The following ABHD14A variants were observed in gnomAD, a reference collection of about 807,000 sequenced individuals.
ABHD14A encodes the protein abhydrolase domain containing 14A, also known as protein ABHD14A.
In ABHD14A, 19 loss-of-function variants were observed where a neutral mutation model predicts 27.0. That is an observed-to-expected ratio of 0.70 (90% CI 0.49 to 1.03). The LOEUF (loss-of-function observed/expected upper bound fraction) is 1.03, where lower values mean the gene tolerates loss of function less well. Among genes scored for constraint, ABHD14A ranks in the 50% least tolerant of loss-of-function variants. ABHD14A has a pLI of 0.00. For missense variants in ABHD14A, 311 were observed against 344.6 expected (o/e 0.90, Z 0.77); for synonymous variants, 148 against 158.8 (o/e 0.93, Z 0.51).
intron 3 of ABHD14A, 143 bp from the exon 4 acceptor site, chr3:51,980,250 C>A: frequency 1.3e-6 from 1 of 768,640 alleles, no homozygotes; most frequent in Non-Finnish European, 2.3e-6. Flanking sequence ...AGGCATATTA[C>A]ATTACCAGAA....
At chr3:51,980,295 A>T in intron 3 of ABHD14A, 98 bp from the exon 4 acceptor site, 1 of 1,043,318 alleles carries the variant, frequency 9.6e-7, no homozygotes, top group Non-Finnish European at 1.5e-6. Context: ...AGTGTGTGCC[A>T]GTGCCAGTGG....
rs1369208303 is a variant in ABHD14A at position 51,978,378 on chromosome 3, A to T, written c.397+4A>T. 5 of 1,549,942 alleles carry T rather than the reference A, an allele frequency of 3.2e-6. No individual in the cohort carries two copies. In the Admixed American group the frequency reaches 9.8e-5, roughly 30 times the overall value. On this transcript the variant is annotated splice_donor_region_variant and intron_variant, in intron 3 of 4. Transcript: ENST00000273596. ...GCCGTGGCCCTTGACCTTCCAGGTG[A>T]GCACCCCCACCCCTTTGTCTAGGGA... is the stretch of plus-strand genomic sequence containing the variant.
intron 1 of ABHD14A, among the ~76,000 whole-genome samples, chr3:51,977,269 G>T (rs149948635): frequency 6.6e-6 from 1 of 152,158 alleles, no homozygotes; most frequent in Non-Finnish European, 1.5e-5. Context: ...CCCTTTGCGC[G>T]CAGTCTTTCT....
intron 1 of ABHD14A, among the ~76,000 whole-genome samples, chr3:51,975,531 G>A (rs1045614324): frequency 6.6e-6 from 1 of 151,906 alleles, no homozygotes; most frequent in African/African-American, 2.4e-5. Flanking sequence ...CTGTGTGCGT[G>A]TGATTTTAAG....
At chr3:51,977,483 A>G (rs569546398) in intron 1 of ABHD14A, among the ~76,000 whole-genome samples, 2 of 152,168 alleles carry the variant, frequency 1.3e-5, no homozygotes, top group African/African-American at 4.8e-5. Context: ...TTCCTCACCT[A>G]TAAGAGACCT....
In ABHD14A at chr3:51,976,823, C is replaced by T. The variant is rs147258990; in HGVS notation, c.70-1048C>T. Among the ~76,000 whole-genome samples, 317 of 152,282 alleles carry T rather than the reference C, an allele frequency of 2.1e-3. 2 individuals are homozygous for T. Among genetic ancestry groups the T allele is most frequent in the African/African-American group, 6.5e-3 (270 of 41,558 alleles). On this transcript the variant is annotated intron_variant, in intron 1 of 4. Transcript: ENST00000273596. The stretch of plus-strand genomic sequence containing the variant: ...CACAGGAAGCTTAGGAGGGCAGCCA[C>T]GAGGTTATCCCATTTTACTGACAAA...
At chr3:51,977,679 G>A (rs1356145448) in intron 1 of ABHD14A, among the ~76,000 whole-genome samples, 192 bp from the exon 2 acceptor site, 1 of 152,216 alleles carries the variant, frequency 6.6e-6, no homozygotes, top group African/African-American at 2.4e-5. Context: ...CACACTGTGA[G>A]GTATCTGAGC....
chr3:51,978,752 T>C (rs1256924777), intron 3 of ABHD14A: 29 of 252,830 alleles, frequency 1.1e-4, no homozygotes, highest in Non-Finnish European at 2.5e-5. Flanking sequence ...CCACCACGCC[T>C]GGCTAATTTT....
rs1390927092 is a variant in ABHD14A at position 51,981,152 on chromosome 3, C to T, written c.*134C>T. On this transcript the variant is annotated 3_prime_UTR_variant, in exon 5 of 5. Coordinates refer to ENST00000273596, the MANE Select transcript of ABHD14A (RefSeq NM_015407.5). ...CAGACCCAGCCAGGACTCCTCATTTCATCTCACAGACACAATAAAAAAGCA... is the reference window on the plus strand; with the variant it reads ...CAGACCCAGCCAGGACTCCTCATTTTATCTCACAGACACAATAAAAAAGCA... The T allele has an allele frequency of 1.1e-6, 1 of 901,618 alleles. No individual in the cohort carries two copies. The highest frequency in any genetic ancestry group is 1.7e-6 in the Non-Finnish European group (1 of 594,066). The allele number at this position is 901,618 out of a possible 1,614,324, so 55.9% of individuals were successfully genotyped here. A position where few individuals can be genotyped will look rare whatever the true frequency, so the allele number is the denominator to read the frequency against.
chr3:51,975,336 C>CGCGCGTGTAATGTGTGT, intron 1 of ABHD14A, 132 bp downstream of exon 1: 1 of 862,112 alleles, frequency 1.2e-6, no homozygotes, highest in African/African-American at 1.8e-5. Context: ...TGTGCATGTG[C>CGCGCGTGTAATGTGTGT]GCGCGTGTAA....
chr3:51,976,945 A>G (rs1207636527), intron 1 of ABHD14A, among the ~76,000 whole-genome samples: 2 of 152,162 alleles, frequency 1.3e-5, no homozygotes, highest in African/African-American at 2.4e-5. Flanking sequence ...GAGACCCCAG[A>G]TTGGAGGAGT....
At chr3:51,978,505 T>G in intron 3 of ABHD14A, 131 bp downstream of exon 3, 1 of 576,972 alleles carries the variant, frequency 1.7e-6, no homozygotes, top group East Asian at 2.9e-5. Flanking sequence ...TGTTTTCATT[T>G]TCTACTATGA....
At chr3:51,977,489 G>T (rs775717217) in intron 1 of ABHD14A, among the ~76,000 whole-genome samples, 1 of 152,136 alleles carries the variant, frequency 6.6e-6, no homozygotes, top group South Asian at 2.1e-4. Flanking sequence ...ACCTATAAGA[G>T]ACCTATAATC....
rs374918229 is a variant in ABHD14A at position 51,978,224 on chromosome 3, G to A, written c.282-35G>A. 2.6e-6 allele frequency: 4 copies of A among 1,538,934 alleles called. No homozygotes were observed. The African/African-American group carries it at 4.1e-5, about 16-fold the overall frequency. On this transcript the variant is annotated intron_variant, in intron 2 of 4. Coordinates refer to ENST00000273596, the MANE Select transcript of ABHD14A (RefSeq NM_015407.5). ...AATAAAGAAAGGTGGGCTACACCAG[G>A]TTCCCAGCAAACACATTCCCCTGTG...
At chr3:51,976,105 C>T (rs1700781971) in intron 1 of ABHD14A, among the ~76,000 whole-genome samples, 1 of 152,244 alleles carries the variant, frequency 6.6e-6, no homozygotes, top group South Asian at 2.1e-4. Context: ...GGAAATGTCC[C>T]TCGCGCCCGG....
In ABHD14A at chr3:51,975,171, G is replaced by C; in HGVS notation, c.36G>C (p.Leu12=). The change falls in exon 1 of 5, where the codon CTG becomes CTC. Residue 12 remains leucine, a synonymous_variant. Transcript: ENST00000273596. The stretch of plus-strand genomic sequence containing the variant: ...CGCTGTGCGGCTGCTGGTTCCGCCT[G>C]GGCGGGGCCCGCCCGCTCATCCCGT... The part of the protein sequence containing the change: ...VGALCGCWFR[L]GGARPLIPLG... The C allele has an allele frequency of 7.8e-7, 1 of 1,281,120 alleles. No individual in the cohort carries two copies. 79.4% of individuals were successfully genotyped at this position (1,281,120 alleles called of 1,614,324 possible).
In ABHD14A at chr3:51,977,932, T is replaced by C. The variant is rs1700821151; in HGVS notation, c.131T>C (p.Leu44Pro). The C allele has an allele frequency of 6.2e-7, 1 of 1,614,162 alleles. No homozygotes were observed. ...GCCCTGCTGGGCCTGAGTCTGCTGC[T>C]CATGCTCCTACTGTATGTGGGGCTG... The part of the protein sequence containing the change: ...QVALLGLSLL[L>P]MLLLYVGLPG... The change falls in exon 2 of 5, where the codon CTC becomes CCC. Residue 44 changes from leucine (L) to proline (P), a missense_variant. Coordinates refer to ENST00000273596, the MANE Select transcript of ABHD14A (RefSeq NM_015407.5).
rs1700816641 is a variant in ABHD14A at position 51,977,765 on chromosome 3, G to A, written c.70-106G>A. On this transcript the variant is annotated intron_variant, in intron 1 of 4. Coordinates refer to ENST00000273596, the MANE Select transcript of ABHD14A (RefSeq NM_015407.5). ...CAGAGCAAGGGAAAGGGCAAGGGCT[G>A]GAGCTCTTCCTCTGCTGGGGACTCT... 1.1e-5 allele frequency: 12 copies of A among 1,080,788 alleles called. No homozygotes were observed. The South Asian group carries it at 1.7e-4, about 15-fold the overall frequency. 66.9% of individuals were successfully genotyped at this position (1,080,788 alleles called of 1,614,324 possible).
chr3:51,978,944 C>T (rs1700849906), intron 3 of ABHD14A: 1 of 307,926 alleles, frequency 3.2e-6, no homozygotes, highest in Non-Finnish European at 7.0e-6. Context: ...TTTAAGTACA[C>T]AAATGATTTA....
Sources: gnomAD v4.1 joint callset for allele counts (sites outside exome capture counted in the v4.1 genomes callset) on GRCh38, gnomAD v4.1.1 for gene constraint, MANE v1.5 for transcripts, NCBI Gene and HGNC (gene_info 2026-07-23, HGNC 2026-07-21) for gene names.